SLC25A21: variants seen among roughly 807,000 people sequenced by gnomAD.
SLC25A21 encodes the protein mitochondrial 2-oxodicarboxylate carrier.
A neutral mutation model predicts 43.8 loss-of-function variants in SLC25A21; 47 were observed. The observed-to-expected ratio is 1.07, with a 90% confidence interval of 0.85 to 1.37. SLC25A21 has a LOEUF of 1.37. Among genes scored for constraint, SLC25A21 ranks in the 40% most tolerant of loss-of-function variants. The probability of loss-of-function intolerance (pLI) is 0.00; values close to 1 mark genes in which losing one functional copy is unlikely to be tolerated. For missense variants in SLC25A21, 352 were observed against 350.2 expected, an observed-to-expected ratio of 1.00 and a Z score of -0.04; for synonymous variants, 131 against 121.3, an observed-to-expected ratio of 1.08 and a Z score of -0.52.
chr14:37,084,882 C>G (rs1047837193), intron 1 of SLC25A21, among the ~76,000 whole-genome samples: 1 of 152,156 alleles, frequency 6.6e-6, no homozygotes, highest in African/African-American at 2.4e-5. Context: ...GAAACAAACC[C>G]CAACTTAAAA....
intron 1 of SLC25A21, among the ~76,000 whole-genome samples, chr14:36,943,702 C>T (rs1189541791): frequency 2.0e-5 from 3 of 152,098 alleles, no homozygotes; most frequent in Non-Finnish European, 4.4e-5. Context: ...AGTGACAGTT[C>T]CACTTGGCTC....
chr14:37,083,786 C>T (rs1206495423), intron 1 of SLC25A21, among the ~76,000 whole-genome samples: 5 of 152,186 alleles, frequency 3.3e-5, no homozygotes, highest in Non-Finnish European at 5.9e-5. Flanking sequence ...CCAAGCCCTC[C>T]ATGTGACTCT....
intron 1 of SLC25A21, among the ~76,000 whole-genome samples, chr14:37,034,317 C>A (rs946940004): frequency 6.6e-6 from 1 of 152,106 alleles, no homozygotes; most frequent in Non-Finnish European, 1.5e-5. Flanking sequence ...CCGTGCTTGG[C>A]CTATTTTATA....
chr14:36,977,746 A>C (rs1959912609), intron 1 of SLC25A21, among the ~76,000 whole-genome samples: 1 of 152,206 alleles, frequency 6.6e-6, no homozygotes, highest in Non-Finnish European at 1.5e-5. Context: ...AAGGGATAGA[A>C]AGAAGTAATG....
At chr14:36,960,666 T>A (rs192313653) in intron 1 of SLC25A21, among the ~76,000 whole-genome samples, 100 of 152,286 alleles carry the variant, frequency 6.6e-4, no homozygotes, top group African/African-American at 2.3e-3. Context: ...GGTCTCATTG[T>A]TATTCTCTGG....
intron 1 of SLC25A21, among the ~76,000 whole-genome samples, chr14:36,908,447 A>C (rs1891592512): frequency 6.6e-6 from 1 of 152,204 alleles, no homozygotes; most frequent in Admixed American, 6.5e-5. Flanking sequence ...AAGCATTCCC[A>C]GCAAAGGATA....
chr14:37,095,840 AC>A (rs1270134515), intron 1 of SLC25A21, among the ~76,000 whole-genome samples: 36 of 50,470 alleles, frequency 7.1e-4, no homozygotes, highest in African/African-American at 2.0e-3. Context: ...ACACACACAC[AC>A]ACAAAAAACA....
intron 1 of SLC25A21, among the ~76,000 whole-genome samples, chr14:36,977,097 T>A (rs2138693799): frequency 6.6e-6 from 1 of 152,374 alleles, no homozygotes; most frequent in Non-Finnish European, 1.5e-5. Flanking sequence ...TGCATTTTTC[T>A]ATTGAGGAGT....
chr14:36,753,933 G>C (rs1885816023), intron 3 of SLC25A21, among the ~76,000 whole-genome samples: 1 of 134,890 alleles, frequency 7.4e-6, no homozygotes, highest in Non-Finnish European at 1.7e-5. Context: ...GAGAGAGAGA[G>C]AGAGAGAGAG....
intron 3 of SLC25A21, among the ~76,000 whole-genome samples, chr14:36,810,880 GAA>G (rs1256307690): frequency 1.1e-5 from 1 of 94,752 alleles, no homozygotes; most frequent in African/African-American, 3.2e-5. Flanking sequence ...TGTAGAGAAA[GAA>G]AAGAGTGGGG....
intron 1 of SLC25A21, chr14:37,097,273 G>GT (rs1484008662): frequency 8.6e-5 from 13 of 151,836 alleles, no homozygotes; most frequent in African/African-American, 3.1e-4. Flanking sequence ...GCTAATTTTT[G>GT]TATTTTTAGT....
chr14:36,950,867 T>G (rs1277498642), intron 1 of SLC25A21, among the ~76,000 whole-genome samples: 1 of 152,204 alleles, frequency 6.6e-6, no homozygotes. Context: ...GCTGAAGAAA[T>G]GAGCCAGCTG....
chr14:36,744,318 T>C (rs927597886), intron 3 of SLC25A21, among the ~76,000 whole-genome samples: 6 of 152,098 alleles, frequency 3.9e-5, no homozygotes, highest in Admixed American at 2.0e-4. Flanking sequence ...CAAAACAGCA[T>C]GGCATTAGCA....
chr14:36,844,676 C>T (rs1023199820), intron 2 of SLC25A21, among the ~76,000 whole-genome samples: 17 of 152,174 alleles, frequency 1.1e-4, no homozygotes, highest in Non-Finnish European at 1.8e-4. Context: ...TGAGCTGAGA[C>T]CAGGCTGTGA....
intron 1 of SLC25A21, among the ~76,000 whole-genome samples, chr14:37,066,434 G>A (rs1962061636): frequency 6.6e-6 from 1 of 152,060 alleles, no homozygotes; most frequent in African/African-American, 2.4e-5. Flanking sequence ...TGATATCGAG[G>A]ACATCACTGA....
At chr14:37,147,607 A>C (rs975698672) in intron 1 of SLC25A21, among the ~76,000 whole-genome samples, 2 of 149,176 alleles carry the variant, frequency 1.3e-5, no homozygotes, top group Non-Finnish European at 3.0e-5. Context: ...TAGAGCTGCC[A>C]TTACTGGTAT....
intron 1 of SLC25A21, among the ~76,000 whole-genome samples, chr14:37,095,217 T>C (rs1962664006): frequency 6.6e-6 from 1 of 152,166 alleles, no homozygotes; most frequent in South Asian, 2.1e-4. Context: ...ATAGCTGAAT[T>C]TGAATAACTA....
chr14:37,161,116 T>C (rs1050637874), intron 1 of SLC25A21, among the ~76,000 whole-genome samples: 5 of 152,230 alleles, frequency 3.3e-5, no homozygotes, highest in African/African-American at 1.2e-4. Context: ...TATCCTGAGT[T>C]GATCACTATT....
intron 1 of SLC25A21, among the ~76,000 whole-genome samples, chr14:37,156,625 G>C (rs973502594): frequency 2.6e-5 from 4 of 151,332 alleles, no homozygotes; most frequent in Non-Finnish European, 5.9e-5. Flanking sequence ...AGCAGGAGTA[G>C]CTACAATTAT....
Sources: allele counts gnomAD v4.1 joint callset (sites outside exome capture counted in the v4.1 genomes callset), GRCh38; gene constraint gnomAD v4.1.1; transcripts MANE v1.5; gene names NCBI Gene and HGNC (gene_info 2026-07-23, HGNC 2026-07-21).